CNTNAP2: variants seen among roughly 807,000 people sequenced by gnomAD.
The protein encoded by CNTNAP2 is contactin-associated protein-like 2.
CNTNAP2 carries 98 observed loss-of-function variants against 155.2 expected under a neutral mutation model. The observed-to-expected ratio is 0.63, with a 90% CI of 0.54 to 0.75. The LOEUF is 0.75. CNTNAP2 is among the 30% of genes least tolerant of loss of function. The probability of loss-of-function intolerance (pLI) is 0.00; values close to 1 mark genes in which losing one functional copy is unlikely to be tolerated. For missense variants in CNTNAP2, 1,727 were observed against 1,688.1 expected (o/e 1.02, Z -0.40); for synonymous variants, 651 against 631.2 (o/e 1.03, Z -0.47).
Position 147,860,589 on chromosome 7 carries a change from C to CAAAAAA in CNTNAP2, c.2099-42967_2099-42962dup, listed in dbSNP as rs11342244. On this transcript the variant is annotated intron_variant, in intron 13 of 23. Transcript: ENST00000361727. ...TAGGCAACAGAGTGAGACTCTGTCT[C>CAAAAAA]AAAAAAAAAAAAAAGTGTTTGGCAG... Among the ~76,000 whole-genome samples, 110 of 124,430 alleles carry CAAAAAA rather than the reference C, an allele frequency of 8.8e-4. 2 individuals carry two copies. Among genetic ancestry groups the CAAAAAA allele is most frequent in the Middle Eastern group, 4.2e-3 (1 of 236 alleles). The allele number at this position is 124,430 out of a possible 152,430, so 81.6% of individuals were successfully genotyped here.
chr7:148,097,811 G>A (rs187509155), intron 15 of CNTNAP2, among the ~76,000 whole-genome samples: 48 of 152,186 alleles, frequency 3.2e-4, no homozygotes, highest in African/African-American at 1.1e-3. Context: ...AGTGACGTTC[G>A]GTAAGCACCT....
intron 11 of CNTNAP2, among the ~76,000 whole-genome samples, chr7:147,495,110 A>C (rs1563227077): frequency 6.6e-6 from 1 of 152,206 alleles, no homozygotes; most frequent in East Asian, 1.9e-4. Flanking sequence ...AAGCATTAAT[A>C]CATTATAAGA....
chr7:147,748,327 ATTG>A (rs1372893798), intron 13 of CNTNAP2, among the ~76,000 whole-genome samples: 1 of 152,020 alleles, frequency 6.6e-6, no homozygotes, highest in African/African-American at 2.4e-5. Flanking sequence ...ATGAGTTAAA[ATTG>A]TTTTTTTTTC....
At chr7:148,056,465 A>G (rs1803012432) in intron 15 of CNTNAP2, 1 of 152,204 alleles carries the variant, frequency 6.6e-6, no homozygotes, top group South Asian at 2.1e-4. Context: ...AACAGTATAA[A>G]CCTTTTACAT....
chr7:147,899,134 G>C (rs968666651), intron 13 of CNTNAP2, among the ~76,000 whole-genome samples: 1 of 152,318 alleles, frequency 6.6e-6, no homozygotes, highest in South Asian at 2.1e-4. Context: ...GAGCCCAAAA[G>C]TTGGAGACCA....
intron 1 of CNTNAP2, among the ~76,000 whole-genome samples, chr7:146,331,259 G>A (rs1004425241): frequency 6.7e-5 from 10 of 148,258 alleles, no homozygotes; most frequent in African/African-American, 2.5e-4. Flanking sequence ...AGCCGAGATC[G>A]CGCCACTGCA....
chr7:148,088,791 C>T lies in CNTNAP2; in HGVS notation c.2384-29327C>T, dbSNP rs114275579. The stretch of plus-strand genomic sequence containing the variant: ...TTACCAAAAAATGAAGATGAAGAAA[C>T]ATTCTCAAACTCATTTTACCAGGCC... On this transcript the variant is annotated intron_variant, in intron 15 of 23. Coordinates refer to ENST00000361727, the MANE Select transcript of CNTNAP2 (RefSeq NM_014141.6). 7.0e-3 allele frequency among the ~76,000 whole-genome samples: 1,061 copies of T among 151,944 alleles called. 5 individuals carry two copies. Among genetic ancestry groups the T allele is most frequent in the Non-Finnish European group, 0.012 (824 of 67,816 alleles).
chr7:146,307,307 C>T (rs1479873161), intron 1 of CNTNAP2, among the ~76,000 whole-genome samples: 2 of 152,090 alleles, frequency 1.3e-5, no homozygotes, highest in Non-Finnish European at 2.9e-5. Context: ...GAACTACAAA[C>T]CACTGCTCAA....
At chr7:147,273,965 CAT>C (rs544720264) in intron 8 of CNTNAP2, among the ~76,000 whole-genome samples, 12 of 147,172 alleles carry the variant, frequency 8.2e-5, no homozygotes, top group African/African-American at 2.0e-4. Flanking sequence ...TATTACATAA[CAT>C]ATATTACATG....
intron 8 of CNTNAP2, among the ~76,000 whole-genome samples, chr7:147,223,264 C>T (rs1376639788): frequency 6.6e-6 from 1 of 152,180 alleles, no homozygotes; most frequent in Non-Finnish European, 1.5e-5. Flanking sequence ...GGACTCTAAA[C>T]ATTTCCACCC....
At chr7:148,117,973 A>G (rs1804512300) in intron 15 of CNTNAP2, 145 bp from the exon 16 acceptor site, 1 of 870,178 alleles carries the variant, frequency 1.1e-6, no homozygotes, top group Admixed American at 2.0e-5. Context: ...ATTTGTGAGG[A>G]TTTGGTCCAA....
At chr7:147,714,238 G>A (rs1205493815) in intron 13 of CNTNAP2, among the ~76,000 whole-genome samples, 4 of 152,046 alleles carry the variant, frequency 2.6e-5, no homozygotes, top group Non-Finnish European at 5.9e-5. Flanking sequence ...TCAGGTTCTG[G>A]AAGGTTTTTA....
chr7:148,288,567 G>A (rs1377142425), intron 21 of CNTNAP2, among the ~76,000 whole-genome samples: 1 of 152,020 alleles, frequency 6.6e-6, no homozygotes, highest in Admixed American at 6.6e-5. Context: ...TCAAACCATA[G>A]CATCTTCTTT....
chr7:146,756,261 C>G (rs1055296754), intron 1 of CNTNAP2, among the ~76,000 whole-genome samples: 1 of 151,852 alleles, frequency 6.6e-6, no homozygotes, highest in Non-Finnish European at 1.5e-5. Flanking sequence ...GTGGTTAACT[C>G]TAATTTGTTT....
At chr7:147,623,021 T>C (rs1409822693) in intron 12 of CNTNAP2, among the ~76,000 whole-genome samples, 2 of 151,862 alleles carry the variant, frequency 1.3e-5, no homozygotes, top group South Asian at 2.1e-4. Flanking sequence ...CTAGGAAAAA[T>C]AGACAAATTC....
intron 13 of CNTNAP2, among the ~76,000 whole-genome samples, chr7:147,889,006 A>G (rs1388781216): frequency 6.6e-6 from 1 of 152,164 alleles, no homozygotes; most frequent in Non-Finnish European, 1.5e-5. Context: ...TAGATGAAAT[A>G]CCTTATATGT....
chr7:146,398,115 G>A (rs866275052), intron 1 of CNTNAP2, among the ~76,000 whole-genome samples: 6 of 149,988 alleles, frequency 4.0e-5, no homozygotes, highest in African/African-American at 9.9e-5. Flanking sequence ...CAAGTGATCC[G>A]CCTGCCTTAG....
At chr7:147,639,869 CTG>C (rs1269124396) in intron 13 of CNTNAP2, among the ~76,000 whole-genome samples, 10 of 152,148 alleles carry the variant, frequency 6.6e-5, no homozygotes. Context: ...GTGTGCAAGA[CTG>C]TGTCCGGGTG....
In CNTNAP2 at chr7:147,198,275, G is replaced by A. The variant is rs537457973; in HGVS notation, c.1348+65766G>A. Among the ~76,000 whole-genome samples, 265 of 140,926 alleles carry A rather than the reference G, an allele frequency of 1.9e-3. 1 individual carries two copies. The highest frequency in any genetic ancestry group is 7.6e-3 in the Middle Eastern group (2 of 262). The allele number at this position is 140,926 out of a possible 152,430, so 92.5% of individuals were successfully genotyped here. On this transcript the variant is annotated intron_variant, in intron 8 of 23. Coordinates refer to ENST00000361727, the MANE Select transcript of CNTNAP2 (RefSeq NM_014141.6). ...TTTTGAGACGAAGTCTCGTAGGCCC[G>A]GGCTAGAGTGCAATGGTGTGATCTC... is the stretch of plus-strand genomic sequence containing the variant.
Sources: allele counts gnomAD v4.1 joint callset (sites outside exome capture counted in the v4.1 genomes callset), GRCh38; gene constraint gnomAD v4.1.1; transcripts MANE v1.5; gene names NCBI Gene and HGNC (gene_info 2026-07-23, HGNC 2026-07-21).